ITGA9: variants seen among roughly 807,000 people sequenced by gnomAD.
ITGA9 encodes the protein integrin alpha-9.
ITGA9 carries 56 observed loss-of-function variants against 127.8 expected under a neutral mutation model. That is an observed-to-expected ratio of 0.44 (90% confidence interval 0.35 to 0.55). The LOEUF is 0.55. Among genes scored for constraint, ITGA9 ranks in the 20% least tolerant of loss-of-function variants. ITGA9 has a pLI of 0.00. For synonymous variants in ITGA9, 508 were observed against 514.5 expected, an observed-to-expected ratio of 0.99 and a Z score of 0.17; for missense variants, 1,196 against 1,347.1, an observed-to-expected ratio of 0.89 and a Z score of 1.76.
intron 15 of ITGA9, among the ~76,000 whole-genome samples, chr3:37,569,925 G>C (rs1559539178): frequency 6.6e-6 from 1 of 152,176 alleles, no homozygotes; most frequent in Non-Finnish European, 1.5e-5. Flanking sequence ...AAAGACTTCT[G>C]GTCCCTTATA....
At chr3:37,486,424 A>G (rs1178994144) in intron 4 of ITGA9, among the ~76,000 whole-genome samples, 1 of 152,234 alleles carries the variant, frequency 6.6e-6, no homozygotes, top group Non-Finnish European at 1.5e-5. Context: ...CCTCATCTAT[A>G]AAATGGGGAG....
intron 16 of ITGA9, among the ~76,000 whole-genome samples, 182 bp from the exon 17 acceptor site, chr3:37,653,531 GC>G (rs1700448196): frequency 6.6e-6 from 1 of 152,124 alleles, no homozygotes; most frequent in Non-Finnish European, 1.5e-5. Flanking sequence ...GTTGACTTAG[GC>G]TTCCTTGGAG....
chr3:37,625,990 A>T (rs1700172679), intron 15 of ITGA9, among the ~76,000 whole-genome samples: 1 of 152,206 alleles, frequency 6.6e-6, no homozygotes, highest in Non-Finnish European at 1.5e-5. Flanking sequence ...AGGAAGCAGC[A>T]TTCGCACCCC....
chr3:37,481,753 C>G (rs1027824793), intron 4 of ITGA9, 146 bp downstream of exon 4: 10 of 1,159,176 alleles, frequency 8.6e-6, no homozygotes, highest in Middle Eastern at 2.7e-4. Context: ...CAGATGGTCT[C>G]TTGGTCCCCA....
At chr3:37,521,736 T>A (rs1699045769) in intron 11 of ITGA9, among the ~76,000 whole-genome samples, 1 of 152,234 alleles carries the variant, frequency 6.6e-6, no homozygotes, top group Non-Finnish European at 1.5e-5. Flanking sequence ...AGGGGCAGGC[T>A]GCTGCTAGAG....
chr3:37,630,674 C>A (rs144081033), intron 16 of ITGA9, among the ~76,000 whole-genome samples: 1 of 152,330 alleles, frequency 6.6e-6, no homozygotes, highest in African/African-American at 2.4e-5. Flanking sequence ...AGGAGATGGG[C>A]CACAGTTCAC....
At chr3:37,571,521 G>C (rs1231436765) in intron 15 of ITGA9, among the ~76,000 whole-genome samples, 1 of 152,166 alleles carries the variant, frequency 6.6e-6, no homozygotes, top group Non-Finnish European at 1.5e-5. Context: ...TTTGAGACCA[G>C]TGGTTCTTAA....
intron 13 of ITGA9, among the ~76,000 whole-genome samples, chr3:37,526,968 A>G (rs1472932478): frequency 6.6e-6 from 1 of 152,222 alleles, no homozygotes; most frequent in Non-Finnish European, 1.5e-5. Flanking sequence ...GCCCCGGGTA[A>G]CATTAAATCT....
chr3:37,645,664 T>G (rs1700370222), intron 16 of ITGA9, among the ~76,000 whole-genome samples: 1 of 152,188 alleles, frequency 6.6e-6, no homozygotes. Context: ...TTTTTAGGCC[T>G]CAGCATGGGA....
chr3:37,577,906 C>T (rs1050506352), intron 15 of ITGA9, among the ~76,000 whole-genome samples: 2 of 152,192 alleles, frequency 1.3e-5, no homozygotes, highest in Non-Finnish European at 2.9e-5. Context: ...TGGAGGGCTT[C>T]AGTATTATCT....
intron 16 of ITGA9, among the ~76,000 whole-genome samples, chr3:37,650,065 G>A (rs1426327849): frequency 6.6e-6 from 1 of 152,190 alleles, no homozygotes; most frequent in Non-Finnish European, 1.5e-5. Context: ...GGTGACTCAC[G>A]TAGCCTGCAA....
chr3:37,750,410 G>T, intron 22 of ITGA9, 52 bp from the exon 23 acceptor site: 1 of 1,010,808 alleles, frequency 9.9e-7, no homozygotes. Context: ...GACAGGAAAT[G>T]GAGGTCTGCT....
intron 1 of ITGA9, among the ~76,000 whole-genome samples, chr3:37,470,109 C>G (rs967395735): frequency 6.7e-6 from 1 of 149,898 alleles, no homozygotes; most frequent in African/African-American, 2.5e-5. Flanking sequence ...CCTGTCCACT[C>G]TAGCACTGAT....
chr3:37,495,667 T>A (rs1698720619), intron 5 of ITGA9, among the ~76,000 whole-genome samples: 1 of 152,244 alleles, frequency 6.6e-6, no homozygotes, highest in South Asian at 2.1e-4. Flanking sequence ...CCCTGATTGG[T>A]CTTCTTATGT....
chr3:37,747,751 A>T (rs1696522253), intron 22 of ITGA9, among the ~76,000 whole-genome samples: 2 of 142,676 alleles, frequency 1.4e-5, no homozygotes, highest in Non-Finnish European at 3.0e-5. Context: ...TTTTTGAGGC[A>T]GTGTCTCACT....
chr3:37,763,130 C>A (rs1482390810), intron 23 of ITGA9, among the ~76,000 whole-genome samples: 1 of 152,184 alleles, frequency 6.6e-6, no homozygotes, highest in Non-Finnish European at 1.5e-5. Flanking sequence ...TAATTTCCAG[C>A]CATCATGTAG....
chr3:37,569,958 G>A (rs988171375), intron 15 of ITGA9, among the ~76,000 whole-genome samples: 3 of 152,234 alleles, frequency 2.0e-5, no homozygotes, highest in African/African-American at 4.8e-5. Context: ...GATATGCAAC[G>A]TGTACTTCTG....
chr3:37,754,540 T>C (rs1208180996), intron 23 of ITGA9, among the ~76,000 whole-genome samples: 1 of 152,216 alleles, frequency 6.6e-6, no homozygotes, highest in East Asian at 1.9e-4. Context: ...TATTGGCCTC[T>C]CTGGCTTGTT....
At chr3:37,593,732 G>A (rs918383112) in intron 15 of ITGA9, among the ~76,000 whole-genome samples, 2 of 152,234 alleles carry the variant, frequency 1.3e-5, no homozygotes, top group Non-Finnish European at 2.9e-5. Context: ...CAGTGGCGAT[G>A]TCTCCCCAGG....
Sources: gnomAD v4.1 joint callset for allele counts (sites outside exome capture counted in the v4.1 genomes callset) on GRCh38, gnomAD v4.1.1 for gene constraint, MANE v1.5 for transcripts, NCBI Gene and HGNC (gene_info 2026-07-23, HGNC 2026-07-21) for gene names.